IGSF11: variants seen among roughly 807,000 people sequenced by gnomAD.
The protein encoded by IGSF11 is CXADR like 1.
IGSF11 carries 22 observed loss-of-function variants against 41.0 expected under a neutral mutation model. The observed-to-expected ratio is 0.54, with a 90% CI of 0.38 to 0.77. The LOEUF (loss-of-function observed/expected upper bound fraction) is 0.77, where lower values mean the gene tolerates loss of function less well. IGSF11 is among the 30% of genes least tolerant of loss of function. The pLI is 0.00. For synonymous variants in IGSF11, 219 were observed against 201.3 expected (o/e 1.09, Z -0.74); for missense variants, 444 against 530.8 (o/e 0.84, Z 1.61).
intron 1 of IGSF11, among the ~76,000 whole-genome samples, chr3:119,144,208 C>T (rs2077688216): frequency 6.6e-6 from 1 of 152,158 alleles, no homozygotes; most frequent in African/African-American, 2.4e-5. Flanking sequence ...CACCACCACA[C>T]CCGGCTGATT....
chr3:119,111,564 A>G (rs962940314), intron 1 of IGSF11, among the ~76,000 whole-genome samples: 1 of 152,040 alleles, frequency 6.6e-6, no homozygotes. Flanking sequence ...GAGTAGTTTG[A>G]TCATCTGAAG....
intron 1 of IGSF11, among the ~76,000 whole-genome samples, chr3:119,080,950 C>T (rs1399215694): frequency 6.6e-6 from 1 of 151,912 alleles, no homozygotes; most frequent in African/African-American, 2.4e-5. Flanking sequence ...CAAAAAGTTT[C>T]AGGGTTTATT....
In IGSF11 at chr3:119,001,787, C is replaced by A. The variant is rs1279521660; in HGVS notation, c.52+32744G>T. Among the ~76,000 whole-genome samples, 6 of 148,222 alleles carry A rather than the reference C, an allele frequency of 4.0e-5. No individual in the cohort carries two copies. In the South Asian group the frequency reaches 6.4e-4, roughly 16 times the overall value. ...GTTTCCAGTTTCATCCATGTCCCTA[C>A]AAAGGACATGAACTCATCATTTTTT... On this transcript the variant is annotated intron_variant, in intron 1 of 6. Coordinates refer to ENST00000393775, the MANE Select transcript of IGSF11 (RefSeq NM_001015887.3).
intron 1 of IGSF11, among the ~76,000 whole-genome samples, chr3:119,061,778 G>GT (rs11394485): frequency 0.76 from 114,255 of 149,642 alleles, 43,702 homozygotes; most frequent in African/African-American, 0.87. Flanking sequence ...TTTAACTATA[G>GT]TTTTTTTTTT....
intron 3 of IGSF11, 41 bp downstream of exon 3, chr3:118,928,468 T>G (rs1189087962): frequency 3.3e-6 from 5 of 1,521,846 alleles, no homozygotes; most frequent in Non-Finnish European, 4.6e-6. Flanking sequence ...AGTAGCTTCG[T>G]GAGTAAAGCC....
chr3:118,955,935 A>G (rs1222060981), intron 1 of IGSF11, among the ~76,000 whole-genome samples: 1 of 152,166 alleles, frequency 6.6e-6, no homozygotes, highest in Non-Finnish European at 1.5e-5. Context: ...GCTGTTTTTC[A>G]TCTCCATTGA....
chr3:119,041,608 A>G (rs1054515716), intron 1 of IGSF11, among the ~76,000 whole-genome samples: 3 of 152,152 alleles, frequency 2.0e-5, no homozygotes, highest in African/African-American at 7.2e-5. Flanking sequence ...AAAAAGAATA[A>G]AAAAGGAGAC....
intron 1 of IGSF11, among the ~76,000 whole-genome samples, chr3:119,083,328 C>G (rs971125639): frequency 6.6e-6 from 1 of 151,846 alleles, no homozygotes; most frequent in African/African-American, 2.4e-5. Flanking sequence ...GCCATGTTAC[C>G]CAGGGCTCAA....
At chr3:119,107,909 G>A (rs1207814892), upstream of IGSF11, among the ~76,000 whole-genome samples, 513 of 145,742 alleles carry the variant, frequency 3.5e-3, no homozygotes, top group African/African-American at 0.011. Flanking sequence ...GATATGCGGC[G>A]TTATTTCTGA....
intron 1 of IGSF11, among the ~76,000 whole-genome samples, chr3:118,989,218 GT>G (rs1935545070): frequency 6.6e-6 from 1 of 152,206 alleles, no homozygotes; most frequent in African/African-American, 2.4e-5. Context: ...CTGTAAAATT[GT>G]TTGATAAATG....
chr3:119,109,402 G>A (rs1457150040), upstream of IGSF11, among the ~76,000 whole-genome samples: 1 of 152,120 alleles, frequency 6.6e-6, no homozygotes. Flanking sequence ...ATTCTCTGAT[G>A]GTAGTTTGTA....
intron 1 of IGSF11, among the ~76,000 whole-genome samples, chr3:118,989,497 C>G (rs1487468085): frequency 6.6e-6 from 1 of 152,074 alleles, no homozygotes; most frequent in Non-Finnish European, 1.5e-5. Flanking sequence ...GGACTACAGG[C>G]GCCCACCACC....
chr3:119,037,629 T>C (rs746240933), upstream of IGSF11, among the ~76,000 whole-genome samples: 2 of 152,202 alleles, frequency 1.3e-5, no homozygotes, highest in Non-Finnish European at 2.9e-5. Flanking sequence ...CTCAAAAACA[T>C]TGATGACGTG....
chr3:119,031,672 T>C (rs926854008), intron 1 of IGSF11, among the ~76,000 whole-genome samples: 2 of 152,230 alleles, frequency 1.3e-5, no homozygotes, highest in African/African-American at 4.8e-5. Context: ...TAGTCCATGT[T>C]GAATATATAT....
intron 1 of IGSF11, among the ~76,000 whole-genome samples, chr3:119,086,364 A>T (rs187586222): frequency 6.4e-4 from 97 of 152,306 alleles, no homozygotes; most frequent in Non-Finnish European, 1.2e-3. Context: ...GCAGGTTGAC[A>T]TGCAAATACA....
chr3:118,908,286 T>A (rs1388707363), intron 4 of IGSF11, among the ~76,000 whole-genome samples: 1 of 152,232 alleles, frequency 6.6e-6, no homozygotes, highest in Non-Finnish European at 1.5e-5. Flanking sequence ...ATGCCAATAC[T>A]ATGACCATGT....
intron 1 of IGSF11, among the ~76,000 whole-genome samples, chr3:119,124,323 A>G (rs2107532638): frequency 7.3e-6 from 1 of 137,850 alleles, no homozygotes; most frequent in African/African-American, 2.7e-5. Context: ...CTGGAGTGCA[A>G]TGACGTGATC....
chr3:119,131,853 T>C (rs533680423), intron 1 of IGSF11, among the ~76,000 whole-genome samples: 15 of 152,330 alleles, frequency 9.8e-5, no homozygotes, highest in African/African-American at 3.1e-4. Flanking sequence ...AGCAGATCTC[T>C]TGGCCAAAAC....
rs1559911746 is a variant in IGSF11 at position 118,928,555 on chromosome 3, T to C, written c.378A>G (p.Pro126=). ...CCCCAATGTTCCTGCCCCCTATGTC[T>C]GGAAGGTTGTTGACCAGGCACTGGT... ...GTYQCLVNNL[P]DIGGRNIGVT... The change falls in exon 3 of 7, where the codon CCA becomes CCG. Residue 126 remains proline (P), a synonymous_variant. Coordinates refer to ENST00000393775, the MANE Select transcript of IGSF11 (RefSeq NM_001015887.3). 6.2e-7 allele frequency: 1 copy of C among 1,613,706 alleles called. No individual in the cohort carries two copies.
Sources: allele counts gnomAD v4.1 joint callset (sites outside exome capture counted in the v4.1 genomes callset), GRCh38; gene constraint gnomAD v4.1.1; transcripts MANE v1.5; gene names NCBI Gene and HGNC (gene_info 2026-07-23, HGNC 2026-07-21).